Variants in MACROH2A1 observed in about 807,000 individuals in gnomAD.
The protein encoded by MACROH2A1 is core histone macro-H2A.1.
In MACROH2A1, 2 loss-of-function variants were observed where a neutral mutation model predicts 31.6. The ratio of observed to expected loss-of-function variants is 0.06; its 90% CI spans 0.03 to 0.20. MACROH2A1 has a LOEUF of 0.20. Among genes scored for constraint, MACROH2A1 ranks in the 10% least tolerant of loss-of-function variants. The probability of loss-of-function intolerance (pLI) is 1.00; values close to 1 mark genes in which losing one functional copy is unlikely to be tolerated. For synonymous variants in MACROH2A1, 169 were observed against 189.6 expected (o/e 0.89, Z 0.89); for missense variants, 230 against 474.0 (o/e 0.49, Z 4.78).
At chr5:135,343,230 G>T in intron 8 of MACROH2A1, 30 bp downstream of exon 8, 2 of 1,612,436 alleles carry the variant, frequency 1.2e-6, no homozygotes, top group South Asian at 2.2e-5. Flanking sequence ...ACACACCCAT[G>T]ACCGATACGT....
At chr5:135,364,156 C>G (rs537033154) in intron 4 of MACROH2A1, among the ~76,000 whole-genome samples, 1 of 152,104 alleles carries the variant, frequency 6.6e-6, no homozygotes, top group Non-Finnish European at 1.5e-5. Context: ...AACCAAACAC[C>G]GCATGTTCTC....
Position 135,369,561 on chromosome 5 carries a change from T to G in MACROH2A1, c.322A>C (p.Asn108His). Residue 108 changes from asparagine to histidine, a missense_variant, in exon 4 of 9, where the codon AAC becomes CAC. By Grantham distance (68) the Asn-to-His change is moderately conservative. Transcript: ENST00000511689. The surrounding 1 kb of genome is among the most constrained non-coding windows in gnomAD (Gnocchi z 4.3). ...VTIASGGVLPNIHPELLAKKR... is the reference protein window; with the variant it reads ...VTIASGGVLPHIHPELLAKKR... ...TTCGCTAGCAACTCGGGGTGGATGT[T>G]GGGTAACACACCCCCACTGGCTATG... is the stretch of plus-strand genomic sequence containing the variant. 6.2e-7 allele frequency: 1 copy of G among 1,614,098 alleles called. No individual in the cohort carries two copies. The highest frequency in any genetic ancestry group is 8.5e-7 in the Non-Finnish European group (1 of 1,179,984).
At chr5:135,394,829 C>T (rs1055171158) in intron 1 of MACROH2A1, among the ~76,000 whole-genome samples, 1 of 152,168 alleles carries the variant, frequency 6.6e-6, no homozygotes, top group East Asian at 1.9e-4. Context: ...GCCTGGCACC[C>T]GGTAGACATG....
chr5:135,359,789 C>A, intron 5 of MACROH2A1: 2 of 950,576 alleles, frequency 2.1e-6, no homozygotes, highest in East Asian at 1.2e-4. Flanking sequence ...GAGTTTAATT[C>A]TTTCTTCCCA....
intron 6 of MACROH2A1, chr5:135,347,065 T>C (rs1057239515): frequency 1.3e-5 from 2 of 152,204 alleles, no homozygotes; most frequent in Non-Finnish European, 2.9e-5. Context: ...GAGGACAAAA[T>C]ACTCCCCTTA....
In MACROH2A1 at chr5:135,343,059, TATC is replaced by T. The variant is rs906697364; in HGVS notation, c.953+198_953+200del. On this transcript the variant is annotated intron_variant, in intron 8 of 8. Coordinates refer to ENST00000511689, the MANE Select transcript of MACROH2A1 (RefSeq NM_138610.3). ...ATTTGCTATCAAAACTTAAGTTTTA[TATC>T]ATCCTTGGGATTTGGGTCTCTCTAA... 4.1e-5 allele frequency: 54 copies of T among 1,305,126 alleles called. No homozygotes were observed. In the East Asian group the frequency reaches 1.1e-3, roughly 26 times the overall value. 80.8% of individuals were successfully genotyped at this position (1,305,126 alleles called of 1,614,324 possible). A position where few individuals can be genotyped will look rare whatever the true frequency, so the allele number is the denominator to read the frequency against.
Position 135,369,490 on chromosome 5 carries a change from G to C in MACROH2A1, c.393C>G (p.Pro131=). 1 of 1,614,156 alleles carries C rather than the reference G, an allele frequency of 6.2e-7. No homozygotes were observed. Residue 131 remains proline (P), a synonymous_variant, in exon 4 of 9, where the codon CCC becomes CCG. Coordinates refer to ENST00000511689, the MANE Select transcript of MACROH2A1 (RefSeq NM_138610.3). The surrounding 1 kb of genome is among the most constrained non-coding windows in gnomAD (Gnocchi z 4.3). ...KGKLEAIITP[P]PAKKAKSPSQ... ...ATGGAGACTTGGCCTTTTTGGCTGG[G>C]GGTGGTGTGATGATGGCTTCCAACT...
chr5:135,395,185 G>T (rs1427385205), intron 1 of MACROH2A1, among the ~76,000 whole-genome samples: 2 of 152,158 alleles, frequency 1.3e-5, no homozygotes, highest in African/African-American at 4.8e-5. Context: ...ACCATAGACT[G>T]CAGGAAAATA....
chr5:135,343,010 A>G, intron 8 of MACROH2A1: 2 of 758,200 alleles, frequency 2.6e-6, no homozygotes, highest in Non-Finnish European at 4.0e-6. Flanking sequence ...CCCAGTACAC[A>G]CTGGGTTCCC....
At chr5:135,386,831 C>T (rs1766477228) in intron 2 of MACROH2A1, among the ~76,000 whole-genome samples, 1 of 152,186 alleles carries the variant, frequency 6.6e-6, no homozygotes, top group South Asian at 2.1e-4. Flanking sequence ...GAAGAGAAAG[C>T]TAGATGGAAG....
chr5:135,379,233 C>T (rs1765317908), intron 2 of MACROH2A1, among the ~76,000 whole-genome samples: 1 of 152,162 alleles, frequency 6.6e-6, no homozygotes, highest in Admixed American at 6.5e-5. Context: ...GATGTCAACC[C>T]CGTGAGAGGG....
intron 5 of MACROH2A1, chr5:135,355,668 TG>T (rs1370272661): frequency 4.9e-6 from 1 of 205,374 alleles, no homozygotes; most frequent in African/African-American, 2.3e-5. Context: ...GCTTGGCAGG[TG>T]GGCCAGTGGG....
chr5:135,346,250 A>T, intron 6 of MACROH2A1, 193 bp from the exon 7 acceptor site: 1 of 584,874 alleles, frequency 1.7e-6, no homozygotes, highest in Middle Eastern at 3.5e-4. Flanking sequence ...TACTACCCTC[A>T]AATTGCTGCT....
intron 2 of MACROH2A1, among the ~76,000 whole-genome samples, chr5:135,380,752 T>C (rs1765555955): frequency 6.6e-6 from 1 of 152,204 alleles, no homozygotes; most frequent in South Asian, 2.1e-4. Context: ...CCTTTTGATT[T>C]CCTGTATTTT....
chr5:135,358,496 C>T (rs937945260), intron 5 of MACROH2A1: 6 of 985,212 alleles, frequency 6.1e-6, no homozygotes, highest in East Asian at 1.1e-4. Context: ...GTTTTCACCA[C>T]TAAAAAGGGG....
At chr5:135,394,656 T>A (rs1209972270) in intron 1 of MACROH2A1, among the ~76,000 whole-genome samples, 3 of 152,330 alleles carry the variant, frequency 2.0e-5, no homozygotes, top group African/African-American at 7.2e-5. Context: ...TCCATCATGA[T>A]TGCCAGTCAC....
chr5:135,376,966 T>C (rs921910445), intron 2 of MACROH2A1, among the ~76,000 whole-genome samples: 4 of 152,218 alleles, frequency 2.6e-5, no homozygotes, highest in South Asian at 4.1e-4. Context: ...AAACCTGGTG[T>C]TTCCTCTGCC....
chr5:135,372,717 C>T (rs971989162), intron 2 of MACROH2A1, among the ~76,000 whole-genome samples: 2 of 152,218 alleles, frequency 1.3e-5, no homozygotes, highest in African/African-American at 2.4e-5. Flanking sequence ...AACCAAGAGT[C>T]TAAGCCCAAC....
At chr5:135,373,652 A>G (rs1995359) in intron 2 of MACROH2A1, among the ~76,000 whole-genome samples, 22,243 of 152,180 alleles carry the variant, frequency 0.15, 3,148 homozygotes, top group African/African-American at 0.37. Flanking sequence ...TCAGCTCCTT[A>G]GAAAGAGCTG....
Sources: allele counts gnomAD v4.1 joint callset (sites outside exome capture counted in the v4.1 genomes callset), GRCh38; gene constraint gnomAD v4.1.1; non-coding constraint Gnocchi (gnomAD v3.1); transcripts MANE v1.5; gene names NCBI Gene and HGNC (gene_info 2026-07-23, HGNC 2026-07-21).